Variants in SYBU observed in about 807,000 individuals in gnomAD.
The protein encoded by SYBU is GOLSYN A protein.
A neutral mutation model predicts 35.9 loss-of-function variants in SYBU; 21 were observed. That is an observed-to-expected ratio of 0.58 (90% CI 0.41 to 0.84). SYBU has a LOEUF of 0.84. Ranked by LOEUF, SYBU falls within the 40% of genes least tolerant of loss-of-function variation. The probability of loss-of-function intolerance (pLI) is 0.00; values close to 1 mark genes in which losing one functional copy is unlikely to be tolerated. For missense variants in SYBU, 768 were observed against 848.2 expected (o/e 0.91, Z 1.17); for synonymous variants, 319 against 324.3 (o/e 0.98, Z 0.18).
chr8:109,601,815 T>C lies in SYBU; in HGVS notation c.428-15653A>G, dbSNP rs1191245125. Among the ~76,000 whole-genome samples, 4 of 152,046 alleles carry C rather than the reference T, an allele frequency of 2.6e-5. No homozygotes were observed. In the East Asian group the frequency reaches 7.7e-4, roughly 29 times the overall value. ...AGAATATAGTGATCATATGAGAAAA[T>C]GCAGCCAAAAAGGTGAGTTGTAACC... On this transcript the variant is annotated intron_variant, in intron 3 of 6. Coordinates refer to ENST00000276646, the MANE Select transcript of SYBU (RefSeq NM_001099754.2).
At chr8:109,652,114 G>C (rs1300674587) in intron 1 of SYBU, among the ~76,000 whole-genome samples, 1 of 152,126 alleles carries the variant, frequency 6.6e-6, no homozygotes, top group Non-Finnish European at 1.5e-5. Flanking sequence ...AGTGTCCCAA[G>C]GTCTAATAGA....
At chr8:109,646,022 G>A (rs1815659508), upstream of SYBU, 1 of 152,204 alleles carries the variant, frequency 6.6e-6, no homozygotes, top group Non-Finnish European at 1.5e-5. Flanking sequence ...ATGACAGGCA[G>A]AAAAAGCATT....
intron 3 of SYBU, among the ~76,000 whole-genome samples, chr8:109,612,869 A>G (rs1473270210): frequency 1.3e-5 from 2 of 151,966 alleles, no homozygotes; most frequent in African/African-American, 2.4e-5. Context: ...AATCCCAGCT[A>G]CTTGGGAGGC....
At chr8:109,603,369 C>T (rs1393765284) in intron 3 of SYBU, 1 of 982,714 alleles carries the variant, frequency 1.0e-6, no homozygotes, top group Non-Finnish European at 1.2e-6. Context: ...TTGGATTTTG[C>T]TCTGCTCACA....
Position 109,579,905 on chromosome 8 carries a change from T to C in SYBU, c.628A>G (p.Arg210Gly). The C allele has an allele frequency of 6.2e-7, 1 of 1,610,944 alleles. No individual in the cohort carries two copies. Among genetic ancestry groups the C allele is most frequent in the Non-Finnish European group, 8.5e-7 (1 of 1,178,224 alleles). Residue 210 changes from arginine to glycine, a missense_variant, in exon 5 of 7, where the codon AGG (arginine) becomes GGG (glycine). By Grantham distance (125) the Arg-to-Gly change is moderately radical. Coordinates refer to ENST00000276646, the MANE Select transcript of SYBU (RefSeq NM_001099754.2). ...ATATTGACAGGGCTCAGCTGATTCC[T>C]GCACAGCATGGACAGAAGGTCCTTT... is the stretch of plus-strand genomic sequence containing the variant. ...REKDLLSMLC[R>G]NQLSPVNIHP... is the part of the protein sequence containing the mutation.
At chr8:109,609,133 C>G (rs897458812) in intron 3 of SYBU, among the ~76,000 whole-genome samples, 1 of 152,194 alleles carries the variant, frequency 6.6e-6, no homozygotes, top group Admixed American at 6.5e-5. Context: ...AGAACCCCTC[C>G]TCCTGCAATT....
chr8:109,657,409 T>C (rs781044706), intron 1 of SYBU, among the ~76,000 whole-genome samples: 2 of 152,228 alleles, frequency 1.3e-5, no homozygotes, highest in African/African-American at 4.8e-5. Flanking sequence ...GGTTTTCTGG[T>C]AGTCTTTTGC....
chr8:109,595,840 A>G (rs1325480462), intron 3 of SYBU, among the ~76,000 whole-genome samples: 1 of 152,262 alleles, frequency 6.6e-6, no homozygotes, highest in Non-Finnish European at 1.5e-5. Context: ...CACAGGTCCC[A>G]GTGGTTGCCA....
chr8:109,645,038 C>G (rs775997054), upstream of SYBU: 12 of 493,300 alleles, frequency 2.4e-5, no homozygotes, highest in Admixed American at 3.0e-4. Context: ...GAGCTCGGCC[C>G]GGTGTAGGCA....
intron 2 of SYBU, among the ~76,000 whole-genome samples, chr8:109,633,067 C>G (rs1037980810): frequency 6.6e-6 from 1 of 152,152 alleles, no homozygotes; most frequent in Non-Finnish European, 1.5e-5. Context: ...CAAAATACAT[C>G]ATATAAATGT....
chr8:109,648,329 G>A (rs1453777809), upstream of SYBU, among the ~76,000 whole-genome samples: 1 of 148,280 alleles, frequency 6.7e-6, no homozygotes, highest in African/African-American at 2.5e-5. Flanking sequence ...ATTGTAGACT[G>A]GGAAGGAAGG....
Position 109,579,224 on chromosome 8 carries a change from T to C in SYBU, c.734+575A>G, listed in dbSNP as rs552441749. 1.4e-4 allele frequency among the ~76,000 whole-genome samples: 22 copies of C among 152,300 alleles called. No individual in the cohort carries two copies. The East Asian group carries it at 4.3e-3, about 29-fold the overall frequency. ...TCCAGTCCTCCTGTCGTGGCCTCTT[T>C]GGAAATGCAGTTCCTTCTTTCTGCT... On this transcript the variant is annotated intron_variant, in intron 5 of 6. Transcript: ENST00000276646.
chr8:109,635,234 A>G (rs571616501), intron 2 of SYBU, among the ~76,000 whole-genome samples: 23 of 152,324 alleles, frequency 1.5e-4, no homozygotes, highest in African/African-American at 5.1e-4. Context: ...ATCCTTGAGC[A>G]CTGTTTAATG....
chr8:109,652,202 A>G (rs919076898), intron 1 of SYBU, among the ~76,000 whole-genome samples: 1 of 152,238 alleles, frequency 6.6e-6, no homozygotes, highest in Admixed American at 6.5e-5. Context: ...GCTTGCCAGT[A>G]TCTAAATTAG....
At chr8:109,669,089 T>C (rs923155516) in intron 1 of SYBU, among the ~76,000 whole-genome samples, 1 of 152,154 alleles carries the variant, frequency 6.6e-6, no homozygotes, top group Non-Finnish European at 1.5e-5. Flanking sequence ...ACACCTGTAA[T>C]CCCAGCACTT....
intron 2 of SYBU, among the ~76,000 whole-genome samples, chr8:109,628,380 C>G (rs1157541448): frequency 6.6e-6 from 1 of 151,582 alleles, no homozygotes; most frequent in East Asian, 1.9e-4. Context: ...ACTCTGTCAC[C>G]CAGGCTGAAG....
intron 3 of SYBU, among the ~76,000 whole-genome samples, chr8:109,617,344 C>A (rs759468140): frequency 6.6e-6 from 1 of 152,124 alleles, no homozygotes; most frequent in Non-Finnish European, 1.5e-5. Context: ...GAACAGAGTG[C>A]TGATGGACTT....
chr8:109,593,655 A>G (rs552981519), intron 3 of SYBU, among the ~76,000 whole-genome samples: 1 of 152,352 alleles, frequency 6.6e-6, no homozygotes, highest in South Asian at 2.1e-4. Context: ...CAGCAGAGAA[A>G]TAACATTTCA....
chr8:109,594,661 G>A (rs758905613), intron 3 of SYBU, among the ~76,000 whole-genome samples: 3 of 152,014 alleles, frequency 2.0e-5, no homozygotes, highest in Non-Finnish European at 4.4e-5. Context: ...TTCTTCCCTT[G>A]GCAGTGGCAC....
Sources: allele counts gnomAD v4.1 joint callset (sites outside exome capture counted in the v4.1 genomes callset), GRCh38; gene constraint gnomAD v4.1.1; transcripts MANE v1.5; gene names NCBI Gene and HGNC (gene_info 2026-07-23, HGNC 2026-07-21).